The following DPP6 variants were observed in gnomAD, a reference collection of about 807,000 sequenced individuals.
The protein encoded by DPP6 is dipeptidyl peptidase like 6, also known as A-type potassium channel modulatory protein DPP6.
DPP6 carries 69 observed loss-of-function variants against 122.6 expected under a neutral mutation model. The ratio of observed to expected loss-of-function variants is 0.56; its 90% CI spans 0.46 to 0.69. The LOEUF (loss-of-function observed/expected upper bound fraction) is 0.69, where lower values mean the gene tolerates loss of function less well. DPP6 is among the 30% of genes least tolerant of loss of function. The probability of loss-of-function intolerance (pLI) is 0.00; values close to 1 mark genes in which losing one functional copy is unlikely to be tolerated. For synonymous variants in DPP6, 418 were observed against 433.1 expected, an observed-to-expected ratio of 0.97 and a Z score of 0.43; for missense variants, 928 against 1,116.9, an observed-to-expected ratio of 0.83 and a Z score of 2.41.
the DPP6 span, among the ~76,000 whole-genome samples, chr7:153,866,732 T>A: frequency 6.6e-6 from 1 of 152,360 alleles, no homozygotes; most frequent in Non-Finnish European, 1.5e-5. Context: ...CCCATGCCTA[T>A]GTCTTGAATG....
chr7:153,913,384 T>C (rs1051218282), intron 1 of DPP6, among the ~76,000 whole-genome samples: 1 of 152,110 alleles, frequency 6.6e-6, no homozygotes, highest in Non-Finnish European at 1.5e-5. Context: ...ACATATCAAT[T>C]ATTTGGTTTG....
chr7:154,709,766 A>G (rs1841060666), intron 7 of DPP6, among the ~76,000 whole-genome samples: 1 of 152,094 alleles, frequency 6.6e-6, no homozygotes, highest in Non-Finnish European at 1.5e-5. Flanking sequence ...TGTTGTTGGT[A>G]TATCTCTCTC....
intron 5 of DPP6, among the ~76,000 whole-genome samples, chr7:154,567,834 C>A (rs1233320166): frequency 6.6e-6 from 1 of 152,148 alleles, no homozygotes; most frequent in African/African-American, 2.4e-5. Context: ...TGGTTTATAT[C>A]CACTGGGAAA....
intron 16 of DPP6, among the ~76,000 whole-genome samples, chr7:154,814,265 A>C (rs944412762): frequency 9.2e-5 from 14 of 152,156 alleles, no homozygotes; most frequent in African/African-American, 3.4e-4. Context: ...TTCTAGCGTA[A>C]ATATATCTAC....
chr7:154,574,448 GGTGT>G (rs1263822584), intron 5 of DPP6, among the ~76,000 whole-genome samples: 3 of 118,992 alleles, frequency 2.5e-5, no homozygotes, highest in Non-Finnish European at 5.4e-5. Context: ...GTATGTGTGT[GGTGT>G]GTGTGTGGTA....
intron 2 of DPP6, among the ~76,000 whole-genome samples, chr7:154,471,536 G>T (rs958800433): frequency 6.6e-6 from 1 of 151,926 alleles, no homozygotes; most frequent in Non-Finnish European, 1.5e-5. Flanking sequence ...TCACCCATTT[G>T]GGGGAAAGGG....
At chr7:153,827,524 C>T in the DPP6 span, among the ~76,000 whole-genome samples, 2 of 152,096 alleles carry the variant, frequency 1.3e-5, no homozygotes, top group East Asian at 3.9e-4. Flanking sequence ...TTCTTTTTGC[C>T]TTATATCTCC....
At chr7:153,967,036 C>A (rs372121661) in intron 1 of DPP6, among the ~76,000 whole-genome samples, 1 of 149,500 alleles carries the variant, frequency 6.7e-6, no homozygotes, top group Non-Finnish European at 1.5e-5. Context: ...CACAGCACTC[C>A]GGTCTGAGTG....
At position 154,691,773 on chromosome 7, in the gene DPP6, G is replaced by A. The variant is rs183404017; in HGVS notation, c.762+22332G>A. 9.0e-3 allele frequency among the ~76,000 whole-genome samples: 1,364 copies of A among 151,828 alleles called. 18 individuals carry two copies. Among genetic ancestry groups the A allele is most frequent in the African/African-American group, 0.031 (1,278 of 41,380 alleles). ...GGTGGAGGTGGCGGTGAGCCAAGAC[G>A]GTGCCACTGCACTCCAGCCTGGGTG... is the stretch of plus-strand genomic sequence containing the variant. On this transcript the variant is annotated intron_variant, in intron 7 of 25. Coordinates refer to ENST00000377770, the MANE Select transcript of DPP6 (RefSeq NM_130797.4).
the DPP6 span, among the ~76,000 whole-genome samples, chr7:153,828,529 A>G: frequency 2.8e-4 from 43 of 152,202 alleles, no homozygotes; most frequent in Non-Finnish European, 6.2e-4. Flanking sequence ...AGATGGCATA[A>G]TATGATTGTT....
At chr7:154,368,935 C>T (rs899031172) in intron 1 of DPP6, among the ~76,000 whole-genome samples, 1 of 152,138 alleles carries the variant, frequency 6.6e-6, no homozygotes, top group African/African-American at 2.4e-5. Context: ...AGGTGGTTCT[C>T]TTCTGATATG....
At chr7:154,679,610 C>T (rs183298386) in intron 7 of DPP6, among the ~76,000 whole-genome samples, 7 of 152,210 alleles carry the variant, frequency 4.6e-5, no homozygotes, top group East Asian at 1.9e-4. Flanking sequence ...ACAAATCCAG[C>T]GAGGGGAGGA....
the DPP6 span, among the ~76,000 whole-genome samples, chr7:153,877,103 G>A: frequency 6.6e-6 from 1 of 151,714 alleles, no homozygotes; most frequent in African/African-American, 2.4e-5. Context: ...TACTAAATTT[G>A]TAAAAACAAA....
chr7:154,687,425 C>T (rs1027807241), intron 7 of DPP6, among the ~76,000 whole-genome samples: 3 of 152,294 alleles, frequency 2.0e-5, no homozygotes, highest in Middle Eastern at 3.4e-3. Context: ...GTAGGTTTTG[C>T]TGTGTGTATA....
chr7:153,983,493 T>C (rs1796693961), intron 1 of DPP6, among the ~76,000 whole-genome samples: 1 of 152,198 alleles, frequency 6.6e-6, no homozygotes, highest in South Asian at 2.1e-4. Flanking sequence ...TCCATGGAGA[T>C]GGGCTCCGCT....
At chr7:154,123,223 A>C (rs1460795462) in intron 1 of DPP6, among the ~76,000 whole-genome samples, 1 of 152,234 alleles carries the variant, frequency 6.6e-6, no homozygotes. Context: ...ACATCAGTAA[A>C]TAACTGCCTG....
chr7:153,749,563 G>C, the DPP6 span, among the ~76,000 whole-genome samples: 1 of 152,178 alleles, frequency 6.6e-6, no homozygotes, highest in Non-Finnish European at 1.5e-5. The surrounding 1 kb of genome is among the most constrained non-coding windows in gnomAD (Gnocchi z 4.1). Context: ...AAAGGGGAGT[G>C]GGCGGCGGCC....
chr7:154,020,575 T>C (rs1798650415), intron 1 of DPP6, among the ~76,000 whole-genome samples: 1 of 152,210 alleles, frequency 6.6e-6, no homozygotes, highest in Non-Finnish European at 1.5e-5. Flanking sequence ...ATTCATGTCA[T>C]GTTTTAAGCA....
intron 1 of DPP6, among the ~76,000 whole-genome samples, chr7:154,295,416 CAT>C (rs891913775): frequency 1.3e-5 from 2 of 152,202 alleles, no homozygotes; most frequent in Admixed American, 6.5e-5. Flanking sequence ...CCCCAATTTT[CAT>C]ATCTGTAAAT....
Sources: allele counts gnomAD v4.1 joint callset (sites outside exome capture counted in the v4.1 genomes callset), GRCh38; gene constraint gnomAD v4.1.1; non-coding constraint Gnocchi (gnomAD v3.1); transcripts MANE v1.5; gene names NCBI Gene and HGNC (gene_info 2026-07-23, HGNC 2026-07-21).